The following ARMH4 variants were observed in gnomAD, a reference collection of about 807,000 sequenced individuals.
The protein encoded by ARMH4 is armadillo like helical domain containing 4.
ARMH4 carries 49 observed loss-of-function variants against 61.9 expected under a neutral mutation model. That is an observed-to-expected ratio of 0.79 (90% CI 0.63 to 1.00). The LOEUF is 1.00. ARMH4 is among the 50% of genes least tolerant of loss of function. The pLI is 0.00. For missense variants in ARMH4, 934 were observed against 930.0 expected (o/e 1.00, Z -0.06); for synonymous variants, 368 against 341.5 (o/e 1.08, Z -0.85).
At chr14:58,051,896 T>C (rs1439071182) in intron 5 of ARMH4, among the ~76,000 whole-genome samples, 1 of 152,130 alleles carries the variant, frequency 6.6e-6, no homozygotes, top group Non-Finnish European at 1.5e-5. Context: ...GGCCTGATTA[T>C]CTAGTTAACA....
intron 6 of ARMH4, among the ~76,000 whole-genome samples, chr14:58,005,811 C>A (rs1231312827): frequency 6.6e-6 from 1 of 152,164 alleles, no homozygotes. Flanking sequence ...GCAGAAAAGA[C>A]AAGGACAAGG....
At chr14:58,130,740 G>T (rs1182988984) in intron 4 of ARMH4, among the ~76,000 whole-genome samples, 1 of 152,208 alleles carries the variant, frequency 6.6e-6, no homozygotes, top group Admixed American at 6.5e-5. Context: ...TCTCCAAATA[G>T]TAGCACAGAC....
At chr14:58,094,103 G>A (rs1180619237) in intron 5 of ARMH4, among the ~76,000 whole-genome samples, 1 of 152,064 alleles carries the variant, frequency 6.6e-6, no homozygotes, top group Admixed American at 6.6e-5. Flanking sequence ...GCCACGGCGG[G>A]CAGATCACCT....
At chr14:58,085,397 A>G (rs1245175468) in intron 5 of ARMH4, among the ~76,000 whole-genome samples, 1 of 114,164 alleles carries the variant, frequency 8.8e-6, no homozygotes, top group Non-Finnish European at 2.0e-5. Flanking sequence ...ATGTTTTCAT[A>G]TTTCAATAAT....
intron 5 of ARMH4, among the ~76,000 whole-genome samples, chr14:58,040,986 TC>T (rs969101980): frequency 6.6e-6 from 1 of 152,160 alleles, no homozygotes; most frequent in Non-Finnish European, 1.5e-5. Flanking sequence ...AGGGGGCGGT[TC>T]CAAGATGGCT....
At chr14:58,057,321 C>T (rs1350313351) in intron 5 of ARMH4, among the ~76,000 whole-genome samples, 1 of 152,178 alleles carries the variant, frequency 6.6e-6, no homozygotes, top group East Asian at 1.9e-4. Context: ...AGAGATTTTA[C>T]AGGACACTTA....
chr14:58,147,060 T>C (rs559133805), intron 1 of ARMH4, among the ~76,000 whole-genome samples: 1 of 152,322 alleles, frequency 6.6e-6, no homozygotes, highest in East Asian at 1.9e-4. Flanking sequence ...CTACCTCATC[T>C]TGGCTTTTCA....
intron 4 of ARMH4, among the ~76,000 whole-genome samples, chr14:58,102,242 A>G (rs747124969): frequency 1.4e-4 from 21 of 152,274 alleles, no homozygotes; most frequent in Admixed American, 1.2e-3. Flanking sequence ...TAGAGAAAGG[A>G]AAGCAAGAGA....
intron 4 of ARMH4, among the ~76,000 whole-genome samples, chr14:58,123,671 T>G (rs1266302649): frequency 6.6e-6 from 1 of 152,188 alleles, no homozygotes; most frequent in Non-Finnish European, 1.5e-5. Context: ...CTGTACATCC[T>G]GACTCTCAAT....
chr14:58,132,385 A>C (rs1395992726), intron 3 of ARMH4, among the ~76,000 whole-genome samples: 1 of 152,138 alleles, frequency 6.6e-6, no homozygotes. Flanking sequence ...GAAGTTAAGA[A>C]ACTTAGCTTG....
At position 58,002,129 on chromosome 14, in the gene ARMH4, C is replaced by G. The variant is rs1252781989; in HGVS notation, c.*2607G>C. ...TCTCAACTGGACCACTATATAACCA[C>G]TGGCCAGCACTTCCATCTCGTAGCA... On this transcript the variant is annotated 3_prime_UTR_variant, in exon 8 of 8. Coordinates refer to ENST00000267485, the MANE Select transcript of ARMH4 (RefSeq NM_001001872.4). The G allele has an allele frequency of 6.6e-6, 1 of 152,182 alleles. No homozygotes were observed. Among genetic ancestry groups the G allele is most frequent in the African/African-American group, 2.4e-5 (1 of 41,434 alleles). 9.4% of individuals were successfully genotyped at this position (152,182 alleles called of 1,614,324 possible). A position where few individuals can be genotyped will look rare whatever the true frequency, so the allele number is the denominator to read the frequency against.
intron 5 of ARMH4, among the ~76,000 whole-genome samples, chr14:58,084,028 T>C (rs1204631372): frequency 1.3e-5 from 2 of 152,210 alleles, no homozygotes; most frequent in Non-Finnish European, 1.5e-5. Context: ...ATAAAGTCAC[T>C]AGACCAAGGT....
intron 5 of ARMH4, among the ~76,000 whole-genome samples, chr14:58,067,636 C>T (rs1884746072): frequency 6.6e-6 from 1 of 152,146 alleles, no homozygotes; most frequent in Non-Finnish European, 1.5e-5. Flanking sequence ...GAGCCAGAGA[C>T]CTATCCACTT....
intron 4 of ARMH4, among the ~76,000 whole-genome samples, chr14:58,112,285 T>TC (rs1340425044): frequency 7.0e-6 from 1 of 143,166 alleles, no homozygotes; most frequent in Non-Finnish European, 1.5e-5. Flanking sequence ...GCTTAATTTT[T>TC]CTTTTTTTTT....
intron 5 of ARMH4, among the ~76,000 whole-genome samples, chr14:58,073,544 T>C (rs1331026304): frequency 6.6e-6 from 1 of 152,220 alleles, no homozygotes; most frequent in Non-Finnish European, 1.5e-5. Flanking sequence ...CAACTGTTAC[T>C]TCCTCTTAAG....
rs748675908 is a variant in ARMH4 at position 58,138,224 on chromosome 14, C to A, written c.1135G>T (p.Ala379Ser). ...TCATTCCCATGCGCTATTAGCAGGGCTGTGCCCGTGTGTGTTTCCCCTTCA... is the reference window on the plus strand; with the variant it reads ...TCATTCCCATGCGCTATTAGCAGGGATGTGCCCGTGTGTGTTTCCCCTTCA... The part of the protein sequence containing the change: ...LPEGETHTGT[A>S]LLIAHGNERS... Residue 379 changes from alanine to serine, a missense_variant, in exon 2 of 8, where the codon GCC becomes TCC. Physicochemically the swap from Ala to Ser is moderately conservative, Grantham distance 99 (BLOSUM62 1). Coordinates refer to ENST00000267485, the MANE Select transcript of ARMH4 (RefSeq NM_001001872.4). 6.2e-7 allele frequency: 1 copy of A among 1,614,222 alleles called. No individual in the cohort carries two copies. Among genetic ancestry groups the A allele is most frequent in the Non-Finnish European group, 8.5e-7 (1 of 1,180,036 alleles).
At chr14:58,059,210 G>C (rs1188038217) in intron 5 of ARMH4, among the ~76,000 whole-genome samples, 4 of 152,244 alleles carry the variant, frequency 2.6e-5, no homozygotes, top group Non-Finnish European at 5.9e-5. Context: ...CATTAGCACA[G>C]GTCAGGCTGG....
At chr14:58,102,817 C>CAAAA (rs398025219) in intron 4 of ARMH4, among the ~76,000 whole-genome samples, 14 of 50,896 alleles carry the variant, frequency 2.8e-4, no homozygotes, top group African/African-American at 4.9e-4. Flanking sequence ...GACTCCGTCT[C>CAAAA]AAAAAAAAAA....
At chr14:58,088,603 C>T (rs1437856756) in intron 5 of ARMH4, among the ~76,000 whole-genome samples, 4 of 152,144 alleles carry the variant, frequency 2.6e-5, no homozygotes, top group Admixed American at 6.5e-5. Context: ...GACTCCCAGG[C>T]GTCTGGCAGA....
Sources: allele counts gnomAD v4.1 joint callset (sites outside exome capture counted in the v4.1 genomes callset), GRCh38; gene constraint gnomAD v4.1.1; transcripts MANE v1.5; gene names NCBI Gene and HGNC (gene_info 2026-07-23, HGNC 2026-07-21).